Variants in CDC42BPA observed in about 807,000 individuals in gnomAD.
CDC42BPA encodes serine/threonine-protein kinase MRCK alpha.
Under a neutral mutation model 223.5 loss-of-function variants are expected in CDC42BPA, and 80 were observed. The ratio of observed to expected loss-of-function variants is 0.36; its 90% CI spans 0.30 to 0.43. The LOEUF (loss-of-function observed/expected upper bound fraction) is 0.43, where lower values mean the gene tolerates loss of function less well. CDC42BPA is among the 20% of genes least tolerant of loss of function. The pLI, the probability that CDC42BPA is intolerant of heterozygous loss-of-function variation, is 1.00. For synonymous variants in CDC42BPA, 694 were observed against 718.6 expected (o/e 0.97, Z 0.55); for missense variants, 1,743 against 2,099.9 (o/e 0.83, Z 3.32).
chr1:227,213,854 A>G (rs1433102072), intron 2 of CDC42BPA, among the ~76,000 whole-genome samples: 1 of 152,224 alleles, frequency 6.6e-6, no homozygotes, highest in Non-Finnish European at 1.5e-5. Context: ...AAAAAAAGGA[A>G]CATCTATTTC....
rs1277651081 is a variant in CDC42BPA at position 227,318,061 on chromosome 1, GGCCGA to G, written c.-884_-880del. On this transcript the variant is annotated 5_prime_UTR_variant, in exon 1 of 37. Coordinates refer to ENST00000366766, the MANE Select transcript of CDC42BPA (RefSeq NM_001394014.1). ...CACTCCATGTCGGTGGTCGCTCGTG[GGCCGA>G]GCCGCGCCGCGCCGCGCCGGGCAGA... The G allele has an allele frequency of 3.4e-6, 1 of 295,452 alleles. No individual in the cohort carries two copies. The highest frequency in any genetic ancestry group is 6.2e-6 in the Non-Finnish European group (1 of 162,212). 18.3% of individuals were successfully genotyped at this position (295,452 alleles called of 1,614,324 possible).
intron 3 of CDC42BPA, among the ~76,000 whole-genome samples, chr1:227,208,228 ATTTG>A (rs1205594271): frequency 6.6e-6 from 1 of 151,062 alleles, no homozygotes; most frequent in Non-Finnish European, 1.5e-5. Flanking sequence ...TTTCTTGTAA[ATTTG>A]TTTGAGTTCA....
chr1:227,150,283 T>A (rs1195910916), intron 6 of CDC42BPA, among the ~76,000 whole-genome samples: 1 of 149,574 alleles, frequency 6.7e-6, no homozygotes, highest in Non-Finnish European at 1.5e-5. Flanking sequence ...ACCAGACTCA[T>A]GTCTATACAC....
chr1:227,151,881 C>CA (rs58336726), intron 6 of CDC42BPA, among the ~76,000 whole-genome samples: 3,460 of 85,770 alleles, frequency 0.04, 287 homozygotes, highest in African/African-American at 0.13. Flanking sequence ...CCAGTCTCTA[C>CA]AAAAAAAAAA....
chr1:227,193,068 T>TG (rs1279054036), intron 5 of CDC42BPA, among the ~76,000 whole-genome samples: 5 of 142,276 alleles, frequency 3.5e-5, no homozygotes, highest in East Asian at 2.0e-4. Context: ...GAGAACTTTT[T>TG]TTTTTTTTTT....
At chr1:227,232,208 C>G (rs950926933) in intron 2 of CDC42BPA, among the ~76,000 whole-genome samples, 1 of 152,094 alleles carries the variant, frequency 6.6e-6, no homozygotes, top group Non-Finnish European at 1.5e-5. Context: ...TATGGCTAGC[C>G]GGTTTTCCCA....
At chr1:227,268,365 G>A (rs943237625) in intron 1 of CDC42BPA, among the ~76,000 whole-genome samples, 14 of 151,636 alleles carry the variant, frequency 9.2e-5, no homozygotes, top group South Asian at 2.1e-4. Context: ...TGTTTTAGTC[G>A]GTTTCTTTTC....
intron 3 of CDC42BPA, among the ~76,000 whole-genome samples, chr1:227,211,599 T>C (rs1443713644): frequency 6.6e-6 from 1 of 152,100 alleles, no homozygotes. Context: ...TAAATAAATA[T>C]ATGAAATCTT....
At chr1:227,171,778 G>A (rs1462366766) in intron 5 of CDC42BPA, among the ~76,000 whole-genome samples, 1 of 151,956 alleles carries the variant, frequency 6.6e-6, no homozygotes, top group East Asian at 1.9e-4. Context: ...AATCTATATA[G>A]TTTCAATTCT....
At chr1:227,006,715 T>A (rs972871373) in intron 34 of CDC42BPA, among the ~76,000 whole-genome samples, 6 of 152,102 alleles carry the variant, frequency 3.9e-5, no homozygotes, top group African/African-American at 1.4e-4. Flanking sequence ...GGTGGGCAGA[T>A]CACGAGGTCA....
At chr1:227,123,656 G>A (rs1464213388) in intron 11 of CDC42BPA, among the ~76,000 whole-genome samples, 1 of 152,206 alleles carries the variant, frequency 6.6e-6, no homozygotes, top group Non-Finnish European at 1.5e-5. Context: ...CTGGAAAGGA[G>A]TTAAGACTAG....
At chr1:227,091,826 C>G in intron 16 of CDC42BPA, 60 bp downstream of exon 16, 2 of 844,984 alleles carry the variant, frequency 2.4e-6, no homozygotes, top group Non-Finnish European at 3.7e-6. Flanking sequence ...ACCCACAATT[C>G]CTATCAGTGT....
intron 21 of CDC42BPA, among the ~76,000 whole-genome samples, chr1:227,064,873 A>G (rs560291884): frequency 1.8e-4 from 27 of 152,108 alleles, no homozygotes; most frequent in Non-Finnish European, 2.5e-4. Context: ...CGAGGTGGGC[A>G]GATCACGAAG....
chr1:227,137,917 C>T (rs187243277), intron 10 of CDC42BPA, among the ~76,000 whole-genome samples: 1 of 152,158 alleles, frequency 6.6e-6, no homozygotes, highest in African/African-American at 2.4e-5. Flanking sequence ...ATATTCTACA[C>T]ATGAATATGG....
At chr1:227,259,031 G>A (rs115343521) in intron 1 of CDC42BPA, among the ~76,000 whole-genome samples, 1,733 of 151,142 alleles carry the variant, frequency 0.011, 131 homozygotes, top group African/African-American at 0.04. Flanking sequence ...ATTTCACAAA[G>A]TACTACATCA....
Position 227,174,331 on chromosome 1 carries a change from C to T in CDC42BPA, c.600-13695G>A, listed in dbSNP as rs1666599826. 2.6e-5 allele frequency among the ~76,000 whole-genome samples: 4 copies of T among 152,130 alleles called. No homozygotes were observed. In the South Asian group the frequency reaches 6.2e-4, roughly 24 times the overall value. On this transcript the variant is annotated intron_variant, in intron 5 of 36. Coordinates refer to ENST00000366766, the MANE Select transcript of CDC42BPA (RefSeq NM_001394014.1). ...AGAGAATTTTGAGTAAGCCTTAGGC[C>T]TCAAAATATTTCTATCTCATTGTAA... is the stretch of plus-strand genomic sequence containing the variant.
intron 1 of CDC42BPA, among the ~76,000 whole-genome samples, chr1:227,273,745 A>G (rs763101113): frequency 2.6e-5 from 4 of 151,960 alleles, no homozygotes; most frequent in Non-Finnish European, 4.4e-5. Flanking sequence ...CTGAACCTCC[A>G]TGAAATGTTA....
chr1:227,149,306 G>A (rs1438521148), intron 6 of CDC42BPA, among the ~76,000 whole-genome samples: 9 of 152,252 alleles, frequency 5.9e-5, no homozygotes, highest in Non-Finnish European at 1.2e-4. Flanking sequence ...CAAGAAACCG[G>A]CATTAACACT....
intron 21 of CDC42BPA, among the ~76,000 whole-genome samples, chr1:227,052,815 ACTATGG>A (rs1416623390): frequency 4.2e-4 from 64 of 152,348 alleles, no homozygotes; most frequent in African/African-American, 1.5e-3. Context: ...CTTTGTTCTT[ACTATGG>A]CTATATTTTA....
Sources: gnomAD v4.1 joint callset for allele counts (sites outside exome capture counted in the v4.1 genomes callset) on GRCh38, gnomAD v4.1.1 for gene constraint, MANE v1.5 for transcripts, NCBI Gene and HGNC (gene_info 2026-07-23, HGNC 2026-07-21) for gene names.